PRKCSH: variants seen among roughly 807,000 people sequenced by gnomAD.
The protein encoded by PRKCSH is PRKCSH beta subunit of glucosidase II, also known as glucosidase 2 subunit beta.
Under a neutral mutation model 79.7 loss-of-function variants are expected in PRKCSH, and 42 were observed. The ratio of observed to expected loss-of-function variants is 0.53; its 90% CI spans 0.41 to 0.68. PRKCSH has a LOEUF of 0.68. PRKCSH is among the 30% of genes least tolerant of loss of function. The pLI, the probability that PRKCSH is intolerant of heterozygous loss-of-function variation, is 0.00. For synonymous variants in PRKCSH, 325 were observed against 288.2 expected (o/e 1.13, Z -1.29); for missense variants, 686 against 709.0 (o/e 0.97, Z 0.37).
Position 11,447,787 on chromosome 19 carries a change from A to G in PRKCSH, c.1124A>G (p.Asp375Gly). The change falls in exon 12 of 18, where the codon GAT becomes GGT. Residue 375 changes from aspartate (D) to glycine (G), a missense_variant and splice_region_variant. By Grantham distance (94) the Asp-to-Gly change is moderately conservative. Coordinates refer to ENST00000677123, the MANE Select transcript of PRKCSH (RefSeq NM_001289104.2). The surrounding 1 kb of genome is among the most constrained non-coding windows in gnomAD (Gnocchi z 5.6). ...GACGAGCAGACGCAGGCCTTCATCG[A>G]TGGTGAGGGTGGGCGGGGGCCAGGC... ...PYDEQTQAFI[D>G]AAQEARNKFE... The G allele has an allele frequency of 6.4e-7, 1 of 1,571,614 alleles. No homozygotes were observed. The highest frequency in any genetic ancestry group is 8.6e-7 in the Non-Finnish European group (1 of 1,159,654).
rs1398279080 is a variant in PRKCSH at position 11,449,902 on chromosome 19, TG to T, written c.*16+476del. ...GCCGAGGCTGGAATGTGGAATGCAA[TG>T]GCGCGATCTCGGCTCACTGCAACCT... On this transcript the variant is annotated intron_variant, in intron 17 of 17. Transcript: ENST00000677123. The surrounding 1 kb of genome is among the most constrained non-coding windows in gnomAD (Gnocchi z 6.4). The T allele has an allele frequency of 9.9e-6, 2 of 202,674 alleles. No homozygotes were observed. Among genetic ancestry groups the T allele is most frequent in the African/African-American group, 4.7e-5 (2 of 42,446 alleles). 12.6% of individuals were successfully genotyped at this position (202,674 alleles called of 1,614,324 possible).
chr19:11,445,670 G>A (rs1049682256), intron 8 of PRKCSH, 197 bp downstream of exon 8: 1 of 647,278 alleles, frequency 1.5e-6, no homozygotes, highest in African/African-American at 1.8e-5. Flanking sequence ...AGGAGATAGG[G>A]GGACCACCCT....
intron 8 of PRKCSH, 101 bp from the exon 9 acceptor site, chr19:11,446,171 G>A: frequency 7.6e-7 from 1 of 1,315,248 alleles, no homozygotes; most frequent in African/African-American, 1.4e-5. Context: ...CAAGTTCCAG[G>A]GTGGGGCCCT....
At position 11,445,168 on chromosome 19, in the gene PRKCSH, G is replaced by A. The variant is rs1362940438; in HGVS notation, c.599-221G>A. On this transcript the variant is annotated intron_variant, in intron 7 of 17. Coordinates refer to ENST00000677123, the MANE Select transcript of PRKCSH (RefSeq NM_001289104.2). Reference sequence around the variant, plus strand: ...GCCTCTGCACTCCCCACCTTGTCCCGGTCTCCCCCAACACAACCAGGCTTC... The same window carrying A: ...GCCTCTGCACTCCCCACCTTGTCCCAGTCTCCCCCAACACAACCAGGCTTC... Among the ~76,000 whole-genome samples, 2 of 151,996 alleles carry A rather than the reference G, an allele frequency of 1.3e-5. No homozygotes were observed. The highest frequency in any genetic ancestry group is 2.1e-4 in the South Asian group (1 of 4,828).
At position 11,449,254 on chromosome 19, in the gene PRKCSH, G is replaced by C. The variant is rs1338649017; in HGVS notation, c.1462-12G>C. 1 of 1,613,606 alleles carries C rather than the reference G, an allele frequency of 6.2e-7. No homozygotes were observed. The highest frequency in any genetic ancestry group is 8.5e-7 in the Non-Finnish European group (1 of 1,179,968). On this transcript the variant is annotated splice_polypyrimidine_tract_variant and intron_variant, in intron 16 of 17. Coordinates refer to ENST00000677123, the MANE Select transcript of PRKCSH (RefSeq NM_001289104.2). This position sits in a 1 kb window ranked among gnomAD's most constrained non-coding sequence, Gnocchi z 6.4. ...GCCGAACCCTCTCGAGCACCCGTCT[G>C]CCCATCCCCAGGTGCGCCTCCTGTG...
Position 11,447,530 on chromosome 19 carries a change from AG to A in PRKCSH, c.943del (p.Glu315ArgfsTer77), listed in dbSNP as rs1281334807. The A allele has an allele frequency of 1.4e-5, 12 of 856,626 alleles. No individual in the cohort carries two copies. The highest frequency in any genetic ancestry group is 3.6e-5 in the African/African-American group (2 of 54,936). 53.1% of individuals were successfully genotyped at this position (856,626 alleles called of 1,614,324 possible). ...CCAGTGCCCTCGTCGCCCACAGAGG[AG>A]GAGGAGGAGGAGGAGGAGGAGGAGG... ...QPPVPSSPTE[E>X]EEEEEEEEEE... On this transcript the variant is annotated frameshift_variant, in exon 11 of 18. Coordinates refer to ENST00000677123, the MANE Select transcript of PRKCSH (RefSeq NM_001289104.2). LOFTEE classifies it high-confidence loss of function. This position sits in a 1 kb window ranked among gnomAD's most constrained non-coding sequence, Gnocchi z 5.6.
At position 11,447,281 on chromosome 19, in the gene PRKCSH, AC is replaced by A; in HGVS notation, c.849+127del. ...CCCTGGCCAGCTGGGTGGCCCCAGCACCCCCCACCGAGACCCCCCGACCCCA... is the reference window on the plus strand; with the variant it reads ...CCCTGGCCAGCTGGGTGGCCCCAGCACCCCCACCGAGACCCCCCGACCCCA... On this transcript the variant is annotated intron_variant, in intron 10 of 17. Coordinates refer to ENST00000677123, the MANE Select transcript of PRKCSH (RefSeq NM_001289104.2). The surrounding 1 kb of genome is among the most constrained non-coding windows in gnomAD (Gnocchi z 5.6). The A allele has an allele frequency of 1.6e-6, 2 of 1,268,250 alleles. No individual in the cohort carries two copies. Among genetic ancestry groups the A allele is most frequent in the Non-Finnish European group, 2.2e-6 (2 of 912,110 alleles). The allele number at this position is 1,268,250 out of a possible 1,614,324, so 78.6% of individuals were successfully genotyped here.
At position 11,438,011 on chromosome 19, in the gene PRKCSH, G is replaced by A. The variant is rs773690057; in HGVS notation, c.292+40G>A. On this transcript the variant is annotated intron_variant, in intron 4 of 17. Transcript: ENST00000677123. ...ACCAGGATTCTGGAAAGGTGGTAGA[G>A]GGAGGGAGGGAGGAGGCACTGCCAG... is the stretch of plus-strand genomic sequence containing the variant. The A allele has an allele frequency of 1.4e-5, 22 of 1,607,964 alleles. 1 individual carries two copies. The Middle Eastern group carries it at 9.9e-4, about 72-fold the overall frequency.
rs1306295065 is a variant in PRKCSH at position 11,438,070 on chromosome 19, G to A, written c.296G>A (p.Cys99Tyr). The A allele has an allele frequency of 6.2e-7, 1 of 1,614,148 alleles. No homozygotes were observed. The change falls in exon 5 of 18, where the codon TGC becomes TAC. Residue 99 changes from cysteine to tyrosine, a missense_variant. Transcript: ENST00000677123. The stretch of plus-strand genomic sequence containing the variant: ...TTGGCTTCTGCCTCTGCCACAGACT[G>A]CTGCGATGGAACAGACGAGTACAAC... ...SNRVNDGVCDCCDGTDEYNSG... is the reference protein window; with the variant it reads ...SNRVNDGVCDYCDGTDEYNSG...
chr19:11,448,475 C>CT lies in PRKCSH; in HGVS notation c.1197-64dup. The CT allele has an allele frequency of 6.6e-7, 1 of 1,514,638 alleles. No individual in the cohort carries two copies. The highest frequency in any genetic ancestry group is 9.2e-7 in the Non-Finnish European group (1 of 1,089,998). The allele number at this position is 1,514,638 out of a possible 1,614,324, so 93.8% of individuals were successfully genotyped here. A position where few individuals can be genotyped will look rare whatever the true frequency, so the allele number is the denominator to read the frequency against. Reference sequence around the variant, plus strand: ...ATTGCTCAGCCAGACCCTCCTGTGTCTGTCGTCCTGGGTCAGGCACTGGCG... The same window carrying CT: ...ATTGCTCAGCCAGACCCTCCTGTGTCTTGTCGTCCTGGGTCAGGCACTGGCG... On this transcript the variant is annotated intron_variant, in intron 13 of 17. Coordinates refer to ENST00000677123, the MANE Select transcript of PRKCSH (RefSeq NM_001289104.2). This position sits in a 1 kb window ranked among gnomAD's most constrained non-coding sequence, Gnocchi z 4.4.
intron 6 of PRKCSH, 84 bp from the exon 7 acceptor site, chr19:11,442,302 T>C (rs957035313): frequency 1.1e-5 from 17 of 1,506,450 alleles, no homozygotes; most frequent in Admixed American, 2.0e-5. Context: ...CCTGCTGCCC[T>C]GTGGAGTAGA....
chr19:11,437,741 CTCTT>C (rs1200456379), intron 3 of PRKCSH, 131 bp from the exon 4 acceptor site: 2 of 836,068 alleles, frequency 2.4e-6, no homozygotes, highest in Non-Finnish European at 4.1e-6. Context: ...CAGTGTACAA[CTCTT>C]TCCTTCCTTT....
At position 11,437,940 on chromosome 19, in the gene PRKCSH, C is replaced by A; in HGVS notation, c.261C>A (p.Ile87=). ...ACACTGGCTATAAGCCCCTGTATAT[C>A]CCCTCCAACCGGGTCAACGATGGTG... ...CTNTGYKPLY[I]PSNRVNDGVC... Residue 87 remains isoleucine (I), a synonymous_variant, in exon 4 of 18, where the codon ATC becomes ATA. Transcript: ENST00000677123. The A allele has an allele frequency of 2.5e-6, 4 of 1,614,126 alleles. No homozygotes were observed. Among genetic ancestry groups the A allele is most frequent in the Non-Finnish European group, 3.4e-6 (4 of 1,180,002 alleles).
Position 11,449,409 on chromosome 19 carries a change from C to T in PRKCSH, c.1605C>T (p.Leu535=), listed in dbSNP as rs752730944. The change falls in exon 17 of 18, where the codon CTC becomes CTT. Residue 535 remains leucine, a synonymous_variant. Coordinates refer to ENST00000677123, the MANE Select transcript of PRKCSH (RefSeq NM_001289104.2). The surrounding 1 kb of genome is among the most constrained non-coding windows in gnomAD (Gnocchi z 6.4). ...EAPTEDDHDE[L] Reference sequence around the variant, plus strand: ...CCACCGAAGACGACCATGACGAGCTCTAGCTGGATGGGCGCAGAGGTGGGC... The same window carrying T: ...CCACCGAAGACGACCATGACGAGCTTTAGCTGGATGGGCGCAGAGGTGGGC... 2 of 1,612,838 alleles carry T rather than the reference C, an allele frequency of 1.2e-6. No homozygotes were observed. The highest frequency in any genetic ancestry group is 1.3e-5 in the African/African-American group (1 of 74,906).
In PRKCSH at chr19:11,448,799, T is replaced by C. The variant is rs2144853501; in HGVS notation, c.1287-115T>C. 2 of 1,410,640 alleles carry C rather than the reference T, an allele frequency of 1.4e-6. No individual in the cohort carries two copies. The highest frequency in any genetic ancestry group is 2.0e-6 in the Non-Finnish European group (2 of 998,438). The allele number at this position is 1,410,640 out of a possible 1,614,324, so 87.4% of individuals were successfully genotyped here. A position where few individuals can be genotyped will look rare whatever the true frequency, so the allele number is the denominator to read the frequency against. On this transcript the variant is annotated intron_variant, in intron 14 of 17. Coordinates refer to ENST00000677123, the MANE Select transcript of PRKCSH (RefSeq NM_001289104.2). This position sits in a 1 kb window ranked among gnomAD's most constrained non-coding sequence, Gnocchi z 4.4. ...AGCCAGGGGCCAGGTTTAGGGTTGGTCATTGGAGTTGGAGGTACCCTGTGT... is the reference window on the plus strand; with the variant it reads ...AGCCAGGGGCCAGGTTTAGGGTTGGCCATTGGAGTTGGAGGTACCCTGTGT...
intron 5 of PRKCSH, among the ~76,000 whole-genome samples, chr19:11,439,978 A>G (rs1969979892): frequency 6.6e-6 from 1 of 151,318 alleles, no homozygotes; most frequent in Admixed American, 6.6e-5. Context: ...GCAGGTACTC[A>G]GGAGGCTGAG....
In PRKCSH at chr19:11,442,432, A is replaced by G. The variant is rs1460548929; in HGVS notation, c.515A>G (p.Gln172Arg). ...GCTGGGAAGAAGTCTCTGGAAGACC[A>G]GGTGGAGATGCTGCGGACAGTGAAG... is the stretch of plus-strand genomic sequence containing the variant. The part of the protein sequence containing the change: ...LQAGKKSLED[Q>R]VEMLRTVKEE... The change falls in exon 7 of 18, where the codon CAG becomes CGG. Residue 172 changes from glutamine (Q) to arginine (R), a missense_variant. Physicochemically the swap from Gln to Arg is conservative, Grantham distance 43 (BLOSUM62 1). Coordinates refer to ENST00000677123, the MANE Select transcript of PRKCSH (RefSeq NM_001289104.2). The G allele has an allele frequency of 6.2e-7, 1 of 1,611,632 alleles. No homozygotes were observed. The highest frequency in any genetic ancestry group is 1.1e-5 in the South Asian group (1 of 90,720).
At chr19:11,438,782 T>G (rs964292370) in intron 5 of PRKCSH, among the ~76,000 whole-genome samples, 2 of 147,414 alleles carry the variant, frequency 1.4e-5, no homozygotes, top group South Asian at 2.2e-4. Context: ...AAAAAAAGCA[T>G]ACAACAGAAG....
rs1307171335 is a variant in PRKCSH at position 11,448,927 on chromosome 19, C to T, written c.1300C>T (p.Leu434Phe). 1 of 1,614,170 alleles carries T rather than the reference C, an allele frequency of 6.2e-7. No individual in the cohort carries two copies. The change falls in exon 15 of 18, where the codon CTC becomes TTC. Residue 434 changes from leucine to phenylalanine, a missense_variant. Physicochemically the swap from Leu to Phe is conservative, Grantham distance 22 (BLOSUM62 0). Around this residue, in one of 2 missense-constraint regions of PRKCSH, gnomAD observed 137 missense variants for 188.8 expected, o/e 0.73. Coordinates refer to ENST00000677123, the MANE Select transcript of PRKCSH (RefSeq NM_001289104.2). This position sits in a 1 kb window ranked among gnomAD's most constrained non-coding sequence, Gnocchi z 4.4. ...ELTTNEYVYR[L>F]CPFKLVSQKP... ...GGTCCTCCACAGATACGTCTACCGC[C>T]TCTGCCCCTTCAAGCTTGTCTCGCA...
Sources: gnomAD v4.1 joint callset for allele counts (sites outside exome capture counted in the v4.1 genomes callset) on GRCh38, gnomAD v4.1.1 for gene constraint, gnomAD v4.1.1 regional missense constraint, Gnocchi (gnomAD v3.1) non-coding constraint, MANE v1.5 for transcripts, NCBI Gene and HGNC (gene_info 2026-07-23, HGNC 2026-07-21) for gene names.